Variants in RHBDD2 observed in about 807,000 individuals in gnomAD.
RHBDD2 encodes the protein rhomboid domain-containing protein 2.
A neutral mutation model predicts 21.7 loss-of-function variants in RHBDD2; 13 were observed. The ratio of observed to expected loss-of-function variants is 0.60; its 90% CI spans 0.39 to 0.95. The LOEUF is 0.95. Among genes scored for constraint, RHBDD2 ranks in the 40% least tolerant of loss-of-function variants. The pLI is 0.00. For missense variants in RHBDD2, 473 were observed against 478.9 expected (o/e 0.99, Z 0.11); for synonymous variants, 225 against 220.0 (o/e 1.02, Z -0.20).
intron 3 of RHBDD2, among the ~76,000 whole-genome samples, chr7:75,886,406 T>G (rs1805669450): frequency 6.6e-6 from 1 of 152,174 alleles, no homozygotes; most frequent in Admixed American, 6.6e-5. Flanking sequence ...TCTCATTGAA[T>G]CTGGAGAACT....
At chr7:75,886,964 G>T (rs1369371621) in intron 3 of RHBDD2, among the ~76,000 whole-genome samples, 1 of 152,068 alleles carries the variant, frequency 6.6e-6, no homozygotes, top group African/African-American at 2.4e-5. Flanking sequence ...TTCCCCACGT[G>T]ACATGGAGTC....
chr7:75,882,547 A>G (rs1563377130), intron 2 of RHBDD2, among the ~76,000 whole-genome samples: 1 of 150,200 alleles, frequency 6.7e-6, no homozygotes. Context: ...CTGGTCTTGA[A>G]CTCCTGGTCT....
In RHBDD2 at chr7:75,888,417, G is replaced by C; in HGVS notation, c.*68G>C. ...CCTCCCTAAGAGTCTCCTGACAAAA[G>C]TTACTTATTGAACACCTCTATGTGC... is the stretch of plus-strand genomic sequence containing the variant. On this transcript the variant is annotated 3_prime_UTR_variant, in exon 4 of 4. Transcript: ENST00000006777. 7.8e-7 allele frequency: 1 copy of C among 1,275,856 alleles called. No homozygotes were observed. Among genetic ancestry groups the C allele is most frequent in the Non-Finnish European group, 1.1e-6 (1 of 902,188 alleles). 79.0% of individuals were successfully genotyped at this position (1,275,856 alleles called of 1,614,324 possible).
intron 2 of RHBDD2, among the ~76,000 whole-genome samples, chr7:75,882,742 T>C (rs1554542875): frequency 6.6e-6 from 1 of 152,168 alleles, no homozygotes; most frequent in South Asian, 2.1e-4. Context: ...CTTTAAAAAA[T>C]GTTGACTTTT....
intron 1 of RHBDD2, 97 bp from the exon 2 acceptor site, chr7:75,881,732 C>A: frequency 7.9e-7 from 1 of 1,261,638 alleles, no homozygotes; most frequent in Non-Finnish European, 1.1e-6. Context: ...TTCTCTGTCA[C>A]GGAGGGGGGC....
intron 3 of RHBDD2, 152 bp downstream of exon 3, chr7:75,884,000 C>G: frequency 1.8e-6 from 1 of 560,926 alleles, no homozygotes; most frequent in Non-Finnish European, 3.0e-6. Context: ...TCAAGTGATT[C>G]TTCTGCCTCA....
In RHBDD2 at chr7:75,883,844, C is replaced by A; in HGVS notation, c.733C>A (p.Arg245=). 1 of 1,609,678 alleles carries A rather than the reference C, an allele frequency of 6.2e-7. No homozygotes were observed. The highest frequency in any genetic ancestry group is 8.5e-7 in the Non-Finnish European group (1 of 1,178,734). The change falls in exon 3 of 4, where the codon CGG becomes AGG. Residue 245 remains arginine, a synonymous_variant. Transcript: ENST00000006777. ...SSAERRAAQS[R]KLNPVPGSYP... Reference sequence around the variant, plus strand: ...AGCCGAGAGGAGGGCAGCCCAGAGCCGGAAGTAAGTGACAGAACTCTTAAG... The same window carrying A: ...AGCCGAGAGGAGGGCAGCCCAGAGCAGGAAGTAAGTGACAGAACTCTTAAG...
At position 75,882,186 on chromosome 7, in the gene RHBDD2, C is replaced by T. The variant is rs782092640; in HGVS notation, c.536C>T (p.Pro179Leu). The change falls in exon 2 of 4, where the codon CCC (proline) becomes CTC (leucine). Residue 179 changes from proline (P) to leucine (L), a missense_variant. Physicochemically the swap from Pro to Leu is moderately conservative, Grantham distance 98. Coordinates refer to ENST00000006777, the MANE Select transcript of RHBDD2 (RefSeq NM_001040456.3). ...WLLLGASWLIPQTSFLSNVCG... is the reference protein window; with the variant it reads ...WLLLGASWLILQTSFLSNVCG... ...CTGCTGGGTGCCTCGTGGCTCATTC[C>T]CCAGACCTCTTTCCTCAGTAATGTC... 2.5e-6 allele frequency: 4 copies of T among 1,614,096 alleles called. No individual in the cohort carries two copies. Among genetic ancestry groups the T allele is most frequent in the Non-Finnish European group, 3.4e-6 (4 of 1,180,002 alleles).
rs781981241 is a variant in RHBDD2, at chr7:75,888,053, C to T, written c.799C>T (p.His267Tyr). Residue 267 changes from histidine (H) to tyrosine (Y), a missense_variant, in exon 4 of 4, where the codon CAC becomes TAC. His to Tyr is a moderately conservative substitution (Grantham distance 83). Transcript: ENST00000006777. ...QSCHPHLSPS[H>Y]PVSQTQHASG... ...CTGCCACCCTCACCTGTCCCCAAGCCACCCTGTGTCCCAGACGCAGCACGC... is the reference window on the plus strand; with the variant it reads ...CTGCCACCCTCACCTGTCCCCAAGCTACCCTGTGTCCCAGACGCAGCACGC... The T allele has an allele frequency of 1.2e-6, 2 of 1,613,768 alleles. No homozygotes were observed. The highest frequency in any genetic ancestry group is 2.2e-5 in the East Asian group (1 of 44,882).
At chr7:75,884,541 C>G (rs550511319) in intron 3 of RHBDD2, among the ~76,000 whole-genome samples, 4 of 152,304 alleles carry the variant, frequency 2.6e-5, no homozygotes, top group South Asian at 4.1e-4. Flanking sequence ...AAAGCAACTC[C>G]AGGGCATGCA....
In RHBDD2 at chr7:75,888,297, G is replaced by A. The variant is rs782204540; in HGVS notation, c.1043G>A (p.Gly348Asp). The change falls in exon 4 of 4, where the codon GGC (glycine) becomes GAC (aspartate). Residue 348 changes from glycine to aspartate, a missense_variant. Gly to Asp is a moderately conservative substitution (Grantham distance 94). Coordinates refer to ENST00000006777, the MANE Select transcript of RHBDD2 (RefSeq NM_001040456.3). ...SPGTVYSGAL[G>D]TPGAAGSKES... is the part of the protein sequence containing the mutation. ...GGCACGGTGTATTCTGGGGCCTTGG[G>A]CACACCAGGGGCTGCAGGCTCCAAG... The A allele has an allele frequency of 1.2e-6, 2 of 1,612,880 alleles. No homozygotes were observed. The highest frequency in any genetic ancestry group is 1.7e-6 in the Non-Finnish European group (2 of 1,179,912).
chr7:75,879,280 G>T lies in RHBDD2; in HGVS notation c.178+20G>T. The T allele has an allele frequency of 6.9e-7, 1 of 1,459,738 alleles. No homozygotes were observed. Among genetic ancestry groups the T allele is most frequent in the Non-Finnish European group, 9.1e-7 (1 of 1,104,718 alleles). The allele number at this position is 1,459,738 out of a possible 1,614,324, so 90.4% of individuals were successfully genotyped here. On this transcript the variant is annotated intron_variant, in intron 1 of 3. Transcript: ENST00000006777. ...GGCAAGGTGAGCAGGGGCGGGCCGGGATCGCGGGGCGAGTCCTTGTCCTCC... is the reference window on the plus strand; with the variant it reads ...GGCAAGGTGAGCAGGGGCGGGCCGGTATCGCGGGGCGAGTCCTTGTCCTCC...
At chr7:75,881,766 A>G (rs1334053593) in intron 1 of RHBDD2, 63 bp from the exon 2 acceptor site, 3 of 1,494,116 alleles carry the variant, frequency 2.0e-6, no homozygotes, top group South Asian at 2.6e-5. Context: ...TAGGCGGCTT[A>G]TAACCTGGCT....
Position 75,888,215 on chromosome 7 carries a change from C to T in RHBDD2, c.961C>T (p.Pro321Ser). The T allele has an allele frequency of 6.2e-7, 1 of 1,613,890 alleles. No homozygotes were observed. The highest frequency in any genetic ancestry group is 8.5e-7 in the Non-Finnish European group (1 of 1,180,048). ...GPNPTSSSVY[P>S]ASAGTSLGIQ... ...AAACCCCACCTCCTCCAGTGTCTAC[C>T]CAGCTTCTGCGGGCACCTCCCTGGG... Residue 321 changes from proline (P) to serine (S), a missense_variant, in exon 4 of 4, where the codon CCA becomes TCA. Physicochemically the swap from Pro to Ser is moderately conservative, Grantham distance 74. Coordinates refer to ENST00000006777, the MANE Select transcript of RHBDD2 (RefSeq NM_001040456.3).
intron 1 of RHBDD2, 74 bp from the exon 2 acceptor site, chr7:75,881,755 C>T (rs528893361): frequency 7.0e-7 from 1 of 1,438,422 alleles, no homozygotes; most frequent in Non-Finnish European, 9.5e-7. Flanking sequence ...TCTGCCTTTC[C>T]TAGGCGGCTT....
chr7:75,888,081 G>A lies in RHBDD2; in HGVS notation c.827G>A (p.Ser276Asn). Residue 276 changes from serine (S) to asparagine (N), a missense_variant, in exon 4 of 4, where the codon AGT (serine) becomes AAT (asparagine). Physicochemically the swap from Ser to Asn is conservative, Grantham distance 46. Coordinates refer to ENST00000006777, the MANE Select transcript of RHBDD2 (RefSeq NM_001040456.3). ...SHPVSQTQHA[S>N]GQKLASWPSC... ...CCTGTGTCCCAGACGCAGCACGCCA[G>A]TGGTCAGAAGCTGGCCTCCTGGCCC... 6.2e-7 allele frequency: 1 copy of A among 1,613,824 alleles called. No homozygotes were observed. Among genetic ancestry groups the A allele is most frequent in the South Asian group, 1.1e-5 (1 of 91,084 alleles).
intron 2 of RHBDD2, among the ~76,000 whole-genome samples, chr7:75,882,650 CT>C (rs1219961541): frequency 4.0e-5 from 6 of 151,246 alleles, no homozygotes; most frequent in East Asian, 1.9e-4. Context: ...TTTTTTTTTA[CT>C]TTTTTTTTCA....
intron 3 of RHBDD2, among the ~76,000 whole-genome samples, chr7:75,884,350 T>C (rs1805525080): frequency 1.3e-5 from 2 of 152,104 alleles, no homozygotes; most frequent in Admixed American, 6.6e-5. Context: ...GCCTCCCAAG[T>C]AACTGAGACT....
chr7:75,881,439 C>T (rs1554542461), intron 1 of RHBDD2: 1 of 1,296,896 alleles, frequency 7.7e-7, no homozygotes, highest in East Asian at 5.5e-5. Flanking sequence ...CCCACTCAAT[C>T]CACCCCGAAG....
Sources: gnomAD v4.1 joint callset for allele counts (sites outside exome capture counted in the v4.1 genomes callset) on GRCh38, gnomAD v4.1.1 for gene constraint, MANE v1.5 for transcripts, NCBI Gene and HGNC (gene_info 2026-07-23, HGNC 2026-07-21) for gene names.